Variants in CPED1 observed in about 807,000 individuals in gnomAD.
The protein encoded by CPED1 is cadherin-like and PC-esterase domain-containing protein 1.
CPED1 carries 114 observed loss-of-function variants against 128.2 expected under a neutral mutation model. That is an observed-to-expected ratio of 0.89 (90% CI 0.76 to 1.04). The LOEUF is 1.04. Ranked by LOEUF, CPED1 falls within the 50% of genes least tolerant of loss-of-function variation. The probability of loss-of-function intolerance (pLI) is 0.00; values close to 1 mark genes in which losing one functional copy is unlikely to be tolerated. For missense variants in CPED1, 1,211 were observed against 1,207.1 expected (o/e 1.00, Z -0.05); for synonymous variants, 462 against 426.7 (o/e 1.08, Z -1.02).
Position 121,130,303 on chromosome 7 carries a change from G to A in CPED1, c.1577+9G>A. The A allele has an allele frequency of 6.3e-7, 1 of 1,586,022 alleles. No homozygotes were observed. Among genetic ancestry groups the A allele is most frequent in the East Asian group, 2.3e-5 (1 of 43,698 alleles). On this transcript the variant is annotated intron_variant, in intron 12 of 22. Transcript: ENST00000310396. ...CCACATCCACTGGAATGGTAAGATA[G>A]CCACAAATTTGAATTGTACAATCCA...
In CPED1 at chr7:121,136,026, C is replaced by CT. The variant is rs751361706; in HGVS notation, c.1649-3dup. ...TGGTTTTTATTTTAAATTTACATTT[C>CT]TTTTTTTTTTTAGCTGCAGTTCCAC... On this transcript the variant is annotated splice_polypyrimidine_tract_variant and intron_variant, in intron 13 of 22. Transcript: ENST00000310396. The CT allele has an allele frequency of 0.023, 24,121 of 1,028,360 alleles. 11 individuals are homozygous for CT. The highest frequency in any genetic ancestry group is 0.034 in the African/African-American group (2,035 of 59,028). The allele number at this position is 1,028,360 out of a possible 1,614,324, so 63.7% of individuals were successfully genotyped here.
intron 18 of CPED1, among the ~76,000 whole-genome samples, chr7:121,250,584 TAAGAA>T (rs982120915): frequency 1.3e-5 from 2 of 150,528 alleles, no homozygotes; most frequent in East Asian, 2.0e-4. Flanking sequence ...GCAAGACTAA[TAAGAA>T]AAGAAAGAAG....
Position 121,113,037 on chromosome 7 carries a change from TTAAG to T in CPED1, c.919-11289_919-11286del, listed in dbSNP as rs561360877. ...GTTTATAATGGTTATATGTCCTTCA[TTAAG>T]TAAGGTATAGAAACAGTATAATTTC... On this transcript the variant is annotated intron_variant, in intron 7 of 22. Transcript: ENST00000310396. Among the ~76,000 whole-genome samples, 217 of 152,344 alleles carry T rather than the reference TTAAG, an allele frequency of 1.4e-3. 1 individual carries two copies. Among genetic ancestry groups the T allele is most frequent in the South Asian group, 9.3e-3 (45 of 4,830 alleles).
chr7:121,177,044 G>A (rs1796798566), intron 16 of CPED1, among the ~76,000 whole-genome samples: 1 of 152,084 alleles, frequency 6.6e-6, no homozygotes. Flanking sequence ...CTTCAAAGCA[G>A]CAAAGAATGG....
intron 16 of CPED1, among the ~76,000 whole-genome samples, chr7:121,211,093 A>G (rs181520481): frequency 2.6e-5 from 4 of 152,228 alleles, no homozygotes; most frequent in Non-Finnish European, 4.4e-5. Flanking sequence ...TGACCTTTCT[A>G]AGAATTATTA....
At chr7:121,208,331 G>A (rs6954210) in intron 16 of CPED1, among the ~76,000 whole-genome samples, 56,635 of 151,838 alleles carry the variant, frequency 0.37, 10,928 homozygotes, top group Middle Eastern at 0.51. Context: ...CAGAATATCT[G>A]TGAAATGAAA....
intron 8 of CPED1, 34 bp from the exon 9 acceptor site, chr7:121,125,786 T>C: frequency 1.3e-6 from 2 of 1,516,110 alleles, no homozygotes; most frequent in Non-Finnish European, 1.8e-6. Context: ...TGCATGTATC[T>C]TTACTTTTAT....
chr7:121,078,667 GGTACTCCCT>G (rs1284780959), intron 5 of CPED1, among the ~76,000 whole-genome samples: 1 of 152,190 alleles, frequency 6.6e-6, no homozygotes, highest in East Asian at 1.9e-4. Flanking sequence ...ATGGCTGCCA[GGTACTCCCT>G]GTTCAGAAAT....
chr7:121,131,558 TC>T (rs1390024315), intron 12 of CPED1, among the ~76,000 whole-genome samples: 2 of 151,786 alleles, frequency 1.3e-5, no homozygotes, highest in Non-Finnish European at 2.9e-5. Context: ...GAAAGTTTGT[TC>T]CCAAGCAAAT....
chr7:121,003,527 C>T (rs1016873274), intron 2 of CPED1, among the ~76,000 whole-genome samples: 4 of 151,998 alleles, frequency 2.6e-5, no homozygotes, highest in Admixed American at 6.6e-5. Context: ...GCATTTCCTG[C>T]CAATTTTTGA....
At chr7:121,004,005 C>T (rs984004573) in intron 2 of CPED1, among the ~76,000 whole-genome samples, 1 of 152,148 alleles carries the variant, frequency 6.6e-6, no homozygotes, top group African/African-American at 2.4e-5. Flanking sequence ...ATACCATGGT[C>T]CCTCCATGAA....
intron 16 of CPED1, among the ~76,000 whole-genome samples, chr7:121,229,345 A>G (rs1196341184): frequency 2.6e-5 from 4 of 152,078 alleles, no homozygotes; most frequent in Admixed American, 2.6e-4. Context: ...TATGCTCTAT[A>G]TGATATATTT....
At chr7:121,145,215 G>A (rs1385331979) in intron 16 of CPED1, among the ~76,000 whole-genome samples, 5 of 151,946 alleles carry the variant, frequency 3.3e-5, no homozygotes, top group African/African-American at 1.2e-4. Flanking sequence ...TGGTGGGAAA[G>A]TTATATATTC....
intron 16 of CPED1, among the ~76,000 whole-genome samples, chr7:121,158,683 A>C (rs1342925882): frequency 1.3e-5 from 2 of 152,138 alleles, no homozygotes. Flanking sequence ...TTTAATTAGA[A>C]TCTGTCACTG....
intron 16 of CPED1, among the ~76,000 whole-genome samples, chr7:121,236,111 A>G (rs1280748320): frequency 6.6e-6 from 1 of 152,148 alleles, no homozygotes; most frequent in Non-Finnish European, 1.5e-5. Context: ...GCAGAGGAAG[A>G]AGGAGAGAAG....
Position 120,990,518 on chromosome 7 carries a change from G to GA in CPED1, c.249+656dup, listed in dbSNP as rs201636363. On this transcript the variant is annotated intron_variant, in intron 2 of 22. Transcript: ENST00000310396. ...TTACTAATCTTACTTGTCAAATATTGAAAAAAAACACAAAAAGCACACAAA... is the reference window on the plus strand; with the variant it reads ...TTACTAATCTTACTTGTCAAATATTGAAAAAAAAACACAAAAAGCACACAAA... Among the ~76,000 whole-genome samples the GA allele has an allele frequency of 9.1e-3, 1,370 of 150,736 alleles. 12 individuals are homozygous for GA. The highest frequency in any genetic ancestry group is 0.021 in the African/African-American group (871 of 40,996).
intron 22 of CPED1, among the ~76,000 whole-genome samples, chr7:121,283,979 G>GTATGTGTAC (rs1792512775): frequency 6.6e-6 from 1 of 152,128 alleles, no homozygotes; most frequent in Non-Finnish European, 1.5e-5. Context: ...ATAGAACTCA[G>GTATGTGTAC]TTACTCTCAC....
At chr7:121,270,132 C>A (rs1453746341) in intron 21 of CPED1, among the ~76,000 whole-genome samples, 1 of 152,088 alleles carries the variant, frequency 6.6e-6, no homozygotes, top group East Asian at 1.9e-4. Context: ...TCCCACTAAG[C>A]CTCACCTCCA....
At chr7:121,048,626 GC>G (rs1383046644) in intron 4 of CPED1, among the ~76,000 whole-genome samples, 1 of 152,028 alleles carries the variant, frequency 6.6e-6, no homozygotes, top group Non-Finnish European at 1.5e-5. Flanking sequence ...TGCAACCTCT[GC>G]CTCCCAGGTT....
Sources: gnomAD v4.1 joint callset for allele counts (sites outside exome capture counted in the v4.1 genomes callset) on GRCh38, gnomAD v4.1.1 for gene constraint, MANE v1.5 for transcripts, NCBI Gene and HGNC (gene_info 2026-07-23, HGNC 2026-07-21) for gene names.